Variants in IQSEC1 observed in about 807,000 individuals in gnomAD.
IQSEC1 encodes the protein IQ motif and SEC7 domain-containing protein 1.
IQSEC1 carries 31 observed loss-of-function variants against 91.0 expected under a neutral mutation model. The ratio of observed to expected loss-of-function variants is 0.34; its 90% CI spans 0.26 to 0.46. IQSEC1 has a LOEUF of 0.46. IQSEC1 is among the 20% of genes least tolerant of loss of function. IQSEC1 has a pLI of 1.00. For synonymous variants in IQSEC1, 699 were observed against 662.6 expected, an observed-to-expected ratio of 1.05 and a Z score of -0.84; for missense variants, 1,388 against 1,575.6, an observed-to-expected ratio of 0.88 and a Z score of 2.02.
intron 1 of IQSEC1, among the ~76,000 whole-genome samples, chr3:13,039,711 G>A (rs774608442): frequency 1.3e-5 from 2 of 152,222 alleles, no homozygotes; most frequent in Non-Finnish European, 2.9e-5. Context: ...TAAGCTCCCT[G>A]CCACAGCGAG....
At position 13,176,195 on chromosome 3, in the gene IQSEC1, G is replaced by C. The variant is rs372627974; in HGVS notation, c.273-12062C>G. 2.6e-4 allele frequency among the ~76,000 whole-genome samples: 40 copies of C among 152,300 alleles called. No homozygotes were observed. The South Asian group carries it at 8.3e-3, about 32-fold the overall frequency. Reference sequence around the variant, plus strand: ...ATGTGGCTGAGACAGGTCAGAAGCAGATCCCCCGACTCCAGTCAAGTCTTC... The same window carrying C: ...ATGTGGCTGAGACAGGTCAGAAGCACATCCCCCGACTCCAGTCAAGTCTTC... On this transcript the variant is annotated intron_variant, in intron 1 of 15. Coordinates refer to the IQSEC1 transcript ENST00000648114.
chr3:12,909,569 CAGT>C lies in IQSEC1; in HGVS notation c.2417-138_2417-136del. ...ATAAGTGCCGGGAGTCCAGCCTCCG[CAGT>C]GGCAGGCTGCAGGGGTGCAGAGCAA... On this transcript the variant is annotated intron_variant, in intron 10 of 13. Coordinates refer to ENST00000613206, the MANE Select transcript of IQSEC1 (RefSeq NM_001134382.3). The surrounding 1 kb of genome is among the most constrained non-coding windows in gnomAD (Gnocchi z 4.9). The C allele has an allele frequency of 1.2e-6, 1 of 814,128 alleles. No individual in the cohort carries two copies. Among genetic ancestry groups the C allele is most frequent in the Non-Finnish European group, 1.9e-6 (1 of 513,836 alleles). The allele number at this position is 814,128 out of a possible 1,614,324, so 50.4% of individuals were successfully genotyped here.
chr3:12,900,914 G>A lies in IQSEC1; in HGVS notation c.*69C>T. The stretch of plus-strand genomic sequence containing the variant: ...GTGCCCCGGGTTTGGTGTGCGGCTG[G>A]CGACCCCCGGGCGTGCCCTGTGTGG... On this transcript the variant is annotated 3_prime_UTR_variant, in exon 14 of 14. Coordinates refer to ENST00000613206, the MANE Select transcript of IQSEC1 (RefSeq NM_001134382.3). 1 of 1,536,482 alleles carries A rather than the reference G, an allele frequency of 6.5e-7. No homozygotes were observed. Among genetic ancestry groups the A allele is most frequent in the African/African-American group, 1.4e-5 (1 of 73,146 alleles).
intron 1 of IQSEC1, among the ~76,000 whole-genome samples, chr3:12,965,237 G>T (rs750710440): frequency 6.6e-6 from 1 of 152,256 alleles, no homozygotes; most frequent in Non-Finnish European, 1.5e-5. Context: ...CCTGTTATTT[G>T]TAGAGTGGTG....
rs1376695830 is a variant in IQSEC1, at chr3:12,899,341, G to A, written c.*1642C>T. ...GGCGTGAGCTTCGCCCTTTCTGAAA[G>A]GGCCTCCGCCTGGGCAGGCGCCGGG... On this transcript the variant is annotated 3_prime_UTR_variant, in exon 14 of 14. Transcript: ENST00000613206. 1.2e-6 allele frequency: 2 copies of A among 1,600,430 alleles called. No individual in the cohort carries two copies. The highest frequency in any genetic ancestry group is 1.1e-5 in the South Asian group (1 of 90,018).
At chr3:13,068,280 C>T (rs537078178) in intron 1 of IQSEC1, among the ~76,000 whole-genome samples, 39 of 152,332 alleles carry the variant, frequency 2.6e-4, no homozygotes, top group Non-Finnish European at 4.3e-4. Context: ...CCTAAGCAGA[C>T]GCTACTTGTT....
At chr3:13,054,641 C>T (rs1030898618) in intron 1 of IQSEC1, among the ~76,000 whole-genome samples, 10 of 152,224 alleles carry the variant, frequency 6.6e-5, no homozygotes, top group Non-Finnish European at 1.2e-4. Flanking sequence ...GGACGGGATG[C>T]AGTCAGCCCT....
chr3:13,238,214 T>C (rs905967957), intron 1 of IQSEC1, among the ~76,000 whole-genome samples: 1 of 152,190 alleles, frequency 6.6e-6, no homozygotes, highest in Non-Finnish European at 1.5e-5. Context: ...TCCACCTGCT[T>C]TCCTCTCCTG....
In IQSEC1 at chr3:13,096,638, G is replaced by T. The variant is rs570027213; in HGVS notation, c.303-49116C>A. On this transcript the variant is annotated intron_variant, in intron 2 of 15. Coordinates refer to the IQSEC1 transcript ENST00000648114. ...ACACACCCCAGAGAGGAAGGAACATGAGCAAAGGCACGGCAGCCTCCTGGT... is the reference window on the plus strand; with the variant it reads ...ACACACCCCAGAGAGGAAGGAACATTAGCAAAGGCACGGCAGCCTCCTGGT... 2.6e-5 allele frequency among the ~76,000 whole-genome samples: 4 copies of T among 152,294 alleles called. No homozygotes were observed. In the South Asian group the frequency reaches 8.3e-4, roughly 32 times the overall value.
intron 2 of IQSEC1, among the ~76,000 whole-genome samples, chr3:13,105,337 G>A (rs1291651117): frequency 6.6e-6 from 1 of 152,164 alleles, no homozygotes; most frequent in Non-Finnish European, 1.5e-5. Context: ...AGCGAGGCCT[G>A]GAGTCCAGGG....
intron 2 of IQSEC1, among the ~76,000 whole-genome samples, chr3:13,157,761 C>T (rs1707106026): frequency 6.6e-6 from 1 of 152,208 alleles, no homozygotes; most frequent in Non-Finnish European, 1.5e-5. Flanking sequence ...TTCTGAGCAG[C>T]CGCGTCTCCA....
upstream of IQSEC1, among the ~76,000 whole-genome samples, chr3:13,077,335 A>G (rs1705579075): frequency 6.6e-6 from 1 of 152,178 alleles, no homozygotes; most frequent in Non-Finnish European, 1.5e-5. Flanking sequence ...CCTCTGTTAA[A>G]TCCCCTCGCC....
chr3:13,010,292 C>T (rs1702823175), intron 1 of IQSEC1, among the ~76,000 whole-genome samples: 1 of 152,174 alleles, frequency 6.6e-6, no homozygotes, highest in Admixed American at 6.5e-5. Context: ...TTGGGGAATC[C>T]AATCCTCCAT....
intron 2 of IQSEC1, among the ~76,000 whole-genome samples, chr3:13,150,577 G>A (rs1379598304): frequency 6.6e-6 from 1 of 152,146 alleles, no homozygotes; most frequent in African/African-American, 2.4e-5. Flanking sequence ...GGGAAGAGTC[G>A]GGGCAGCAGG....
At chr3:13,006,242 T>C (rs1018295274) in intron 1 of IQSEC1, among the ~76,000 whole-genome samples, 1 of 152,164 alleles carries the variant, frequency 6.6e-6, no homozygotes, top group Admixed American at 6.5e-5. Context: ...CAGGAGAAGG[T>C]GGCAGAGGTG....
chr3:13,091,231 G>A (rs926241032), intron 2 of IQSEC1, among the ~76,000 whole-genome samples: 1 of 152,148 alleles, frequency 6.6e-6, no homozygotes, highest in Non-Finnish European at 1.5e-5. Flanking sequence ...ACCACTCTCC[G>A]AGGGCAGCAG....
chr3:13,136,412 G>A (rs73016658), intron 2 of IQSEC1, among the ~76,000 whole-genome samples: 3,537 of 152,202 alleles, frequency 0.023, 49 homozygotes, highest in Non-Finnish European at 0.034. Context: ...CAAAAAGCTC[G>A]CCAAGCATTA....
intron 1 of IQSEC1, among the ~76,000 whole-genome samples, chr3:13,042,985 G>C (rs1386573093): frequency 6.6e-6 from 1 of 152,190 alleles, no homozygotes; most frequent in Admixed American, 6.5e-5. Context: ...GTAGCCACAT[G>C]GTGCTTGGGG....
At position 12,922,674 on chromosome 3, in the gene IQSEC1, T is replaced by G. The variant is rs1335874857; in HGVS notation, c.1731-432A>C. Among the ~76,000 whole-genome samples, 1 of 152,176 alleles carries G rather than the reference T, an allele frequency of 6.6e-6. No homozygotes were observed. The highest frequency in any genetic ancestry group is 1.5e-5 in the Non-Finnish European group (1 of 68,028). The stretch of plus-strand genomic sequence containing the variant: ...GGAAAGGGGCGCCCAGGGTGTTGAC[T>G]TTCAGAATAAGCCTGTTCTCTTGTG... On this transcript the variant is annotated intron_variant, in intron 4 of 13. Coordinates refer to ENST00000613206, the MANE Select transcript of IQSEC1 (RefSeq NM_001134382.3). The surrounding 1 kb of genome is among the most constrained non-coding windows in gnomAD (Gnocchi z 5.1).
Sources: gnomAD v4.1 joint callset for allele counts (sites outside exome capture counted in the v4.1 genomes callset) on GRCh38, gnomAD v4.1.1 for gene constraint, Gnocchi (gnomAD v3.1) non-coding constraint, MANE v1.5 for transcripts, NCBI Gene and HGNC (gene_info 2026-07-23, HGNC 2026-07-21) for gene names.